The following GRIP1 variants were observed in gnomAD, a reference collection of about 807,000 sequenced individuals.
The protein encoded by GRIP1 is glutamate receptor interacting protein 1.
A neutral mutation model predicts 129.9 loss-of-function variants in GRIP1; 45 were observed. The observed-to-expected ratio is 0.35, with a 90% CI of 0.27 to 0.44. The LOEUF is 0.44. Ranked by LOEUF, GRIP1 falls within the 20% of genes least tolerant of loss-of-function variation. The pLI, the probability that GRIP1 is intolerant of heterozygous loss-of-function variation, is 1.00. For missense variants in GRIP1, 1,196 were observed against 1,396.8 expected (o/e 0.86, Z 2.29); for synonymous variants, 530 against 520.8 (o/e 1.02, Z -0.24).
intron 5 of GRIP1, among the ~76,000 whole-genome samples, chr12:66,525,967 C>T (rs1237601416): frequency 6.6e-6 from 1 of 152,086 alleles, no homozygotes; most frequent in African/African-American, 2.4e-5. Context: ...AGGAATCCAA[C>T]TTACAAGGGT....
intron 1 of GRIP1, among the ~76,000 whole-genome samples, chr12:67,015,319 G>A (rs1423248881): frequency 1.3e-5 from 2 of 152,104 alleles, no homozygotes; most frequent in Admixed American, 1.3e-4. Flanking sequence ...AAGCTTAGGG[G>A]GCTCTTTCAC....
rs2065387280 is a variant in GRIP1, at chr12:66,624,127, T to G, written c.56-27200A>C. On this transcript the variant is annotated intron_variant, in intron 1 of 24. Transcript: ENST00000359742. The stretch of plus-strand genomic sequence containing the variant: ...CAGTATCTTTCCCACCTAAACAGAT[T>G]TCTACAATAAGATAGAAGTTAAACA... Among the ~76,000 whole-genome samples the G allele has an allele frequency of 2.0e-5, 3 of 152,278 alleles. 1 individual carries two copies. The South Asian group carries it at 6.2e-4, about 32-fold the overall frequency.
intron 1 of GRIP1, among the ~76,000 whole-genome samples, chr12:66,958,989 T>G (rs927102001): frequency 2.0e-5 from 3 of 152,224 alleles, no homozygotes; most frequent in East Asian, 1.9e-4. Context: ...AGATAAAACT[T>G]TCTTTATAGT....
chr12:66,953,964 C>G (rs1008799089), intron 1 of GRIP1, among the ~76,000 whole-genome samples: 1 of 151,970 alleles, frequency 6.6e-6, no homozygotes, highest in African/African-American at 2.4e-5. Context: ...TCCGACCCCC[C>G]AAAACTGTTA....
At chr12:66,489,735 G>C (rs2060054983) in intron 7 of GRIP1, among the ~76,000 whole-genome samples, 1 of 152,074 alleles carries the variant, frequency 6.6e-6, no homozygotes, top group Non-Finnish European at 1.5e-5. Context: ...CAGCCCAAAA[G>C]CTTCTTAAGC....
intron 2 of GRIP1, chr12:66,568,882 GC>G (rs1460982066): frequency 1.6e-5 from 8 of 495,172 alleles, no homozygotes; most frequent in Non-Finnish European, 2.8e-5. Flanking sequence ...TCTGTCTTAT[GC>G]AGTTGAGTAG....
chr12:67,060,456 T>C (rs1000048540), intron 1 of GRIP1, among the ~76,000 whole-genome samples: 18 of 152,230 alleles, frequency 1.2e-4, no homozygotes, highest in African/African-American at 3.4e-4. Context: ...TTTGTGGTTG[T>C]ACGAGAGCTA....
At chr12:66,350,395 C>G (rs926128414) in intron 24 of GRIP1, among the ~76,000 whole-genome samples, 3 of 152,070 alleles carry the variant, frequency 2.0e-5, no homozygotes, top group African/African-American at 7.2e-5. Flanking sequence ...TACTTGGGAG[C>G]TGGCTGAGGC....
chr12:66,787,880 G>A (rs910709263), intron 1 of GRIP1, among the ~76,000 whole-genome samples: 5 of 152,108 alleles, frequency 3.3e-5, no homozygotes, highest in African/African-American at 1.2e-4. Flanking sequence ...GTGACAGAAG[G>A]GTGCCGTGGG....
chr12:66,838,017 A>G (rs1408434967), intron 1 of GRIP1, among the ~76,000 whole-genome samples: 1 of 152,086 alleles, frequency 6.6e-6, no homozygotes, highest in Non-Finnish European at 1.5e-5. Flanking sequence ...AACATGGTGA[A>G]ACCCTGTGCC....
chr12:67,066,146 A>T (rs2043620489), intron 1 of GRIP1, among the ~76,000 whole-genome samples: 1 of 152,218 alleles, frequency 6.6e-6, no homozygotes. Context: ...ATTGCATGCC[A>T]TAGCAATAGC....
At chr12:66,401,085 C>T (rs376516076) in intron 16 of GRIP1, among the ~76,000 whole-genome samples, 5 of 152,176 alleles carry the variant, frequency 3.3e-5, no homozygotes, top group African/African-American at 1.2e-4. Flanking sequence ...AATGCAGAAG[C>T]TCCTGAAGGC....
At chr12:66,754,933 C>T (rs1389431388) in intron 1 of GRIP1, among the ~76,000 whole-genome samples, 3 of 152,074 alleles carry the variant, frequency 2.0e-5, no homozygotes, top group Non-Finnish European at 2.9e-5. Flanking sequence ...AAATCCATTT[C>T]ACTACACACA....
chr12:66,697,800 T>C (rs1278738019), intron 1 of GRIP1, among the ~76,000 whole-genome samples: 5 of 152,182 alleles, frequency 3.3e-5, no homozygotes, highest in Non-Finnish European at 7.3e-5. Flanking sequence ...ACTCTCTTTG[T>C]AGGAAGTTCT....
intron 19 of GRIP1, among the ~76,000 whole-genome samples, chr12:66,390,100 G>C (rs187629323): frequency 6.6e-6 from 1 of 152,254 alleles, no homozygotes; most frequent in Admixed American, 6.5e-5. Flanking sequence ...CGTGGAGATG[G>C]GGGGCTGCCT....
chr12:66,576,504 C>T lies in GRIP1; in HGVS notation c.136+20343G>A, dbSNP rs181085042. On this transcript the variant is annotated intron_variant, in intron 2 of 24. Transcript: ENST00000359742. ...AGTTGGAAAGAGAAGCTGACTCACT[C>T]GAGAGCTGTGTACATAGCTGAAAGA... Among the ~76,000 whole-genome samples, 41 of 152,290 alleles carry T rather than the reference C, an allele frequency of 2.7e-4. No homozygotes were observed. In the East Asian group the frequency reaches 6.6e-3, roughly 24 times the overall value.
At chr12:66,565,962 C>CATTG (rs1315999538) in intron 2 of GRIP1, among the ~76,000 whole-genome samples, 1 of 152,120 alleles carries the variant, frequency 6.6e-6, no homozygotes, top group Non-Finnish European at 1.5e-5. Context: ...GATTTTTGTA[C>CATTG]ATTGATTTTG....
Position 66,353,483 on chromosome 12 carries a change from G to C in GRIP1, c.3093C>G (p.Val1031=). 1 of 1,612,686 alleles carries C rather than the reference G, an allele frequency of 6.2e-7. No homozygotes were observed. Among genetic ancestry groups the C allele is most frequent in the Non-Finnish European group, 8.5e-7 (1 of 1,178,798 alleles). The change falls in exon 24 of 25, where the codon GTC becomes GTG. Residue 1031 remains valine, a synonymous_variant. Transcript: ENST00000359742. ...CTGGCCCAGCTGGGCGAATATTTTT[G>C]ACATACACTCCTTTCTCCAGTAAGC... ...ADGLLEKGVY[V]KNIRPAGPGD...
chr12:66,861,387 C>G (rs1331129717), intron 1 of GRIP1, among the ~76,000 whole-genome samples: 1 of 152,128 alleles, frequency 6.6e-6, no homozygotes, highest in Non-Finnish European at 1.5e-5. Flanking sequence ...ATGCAAGATG[C>G]TCTCCAGGAA....
Sources: gnomAD v4.1 joint callset for allele counts (sites outside exome capture counted in the v4.1 genomes callset) on GRCh38, gnomAD v4.1.1 for gene constraint, MANE v1.5 for transcripts, NCBI Gene and HGNC (gene_info 2026-07-23, HGNC 2026-07-21) for gene names.